The following SULF1 variants were observed in gnomAD, a reference collection of about 807,000 sequenced individuals.
The protein encoded by SULF1 is sulfatase 1.
SULF1 carries 46 observed loss-of-function variants against 110.5 expected under a neutral mutation model. The observed-to-expected ratio is 0.42, with a 90% CI of 0.33 to 0.53. The LOEUF (loss-of-function observed/expected upper bound fraction) is 0.53. Among genes scored for constraint, SULF1 ranks in the 20% least tolerant of loss-of-function variants. The probability of loss-of-function intolerance (pLI) is 0.12; values close to 1 mark genes in which losing one functional copy is unlikely to be tolerated. For synonymous variants in SULF1, 371 were observed against 387.1 expected (o/e 0.96, Z 0.49); for missense variants, 941 against 1,094.2 (o/e 0.86, Z 1.98).
At chr8:69,476,661 G>A (rs969615364) in intron 1 of SULF1, among the ~76,000 whole-genome samples, 7 of 152,176 alleles carry the variant, frequency 4.6e-5, no homozygotes, top group Non-Finnish European at 1.0e-4. Flanking sequence ...TTACCCAACT[G>A]GGTTTTCTGA....
chr8:69,551,742 C>T (rs972745185), intron 3 of SULF1, among the ~76,000 whole-genome samples: 2 of 152,154 alleles, frequency 1.3e-5, no homozygotes, highest in Non-Finnish European at 2.9e-5. Context: ...GTGGGTTGAT[C>T]GCTGTACTCT....
intron 2 of SULF1, among the ~76,000 whole-genome samples, chr8:69,499,566 A>T (rs1378752369): frequency 6.6e-6 from 1 of 152,180 alleles, no homozygotes; most frequent in Non-Finnish European, 1.5e-5. Flanking sequence ...TGGAGCTGAG[A>T]ACTGTGAGGG....
At chr8:69,618,614 T>C (rs775019207) in intron 13 of SULF1, among the ~76,000 whole-genome samples, 3 of 152,214 alleles carry the variant, frequency 2.0e-5, no homozygotes, top group Non-Finnish European at 4.4e-5. Context: ...GAGCTCCTGC[T>C]TCTCTGGATG....
rs543363965 is a variant in SULF1 at position 69,627,181 on chromosome 8, A to T, written c.1851-29A>T. On this transcript the variant is annotated intron_variant, in intron 15 of 22. Coordinates refer to ENST00000402687, the MANE Select transcript of SULF1 (RefSeq NM_001128205.2). ...TTTTCTGCTATTAGAATATAAACCTATTTCACATGGTTTTGGTTTGTTTTG... is the reference window on the plus strand; with the variant it reads ...TTTTCTGCTATTAGAATATAAACCTTTTTCACATGGTTTTGGTTTGTTTTG... 12 of 1,533,982 alleles carry T rather than the reference A, an allele frequency of 7.8e-6. No individual in the cohort carries two copies. In the East Asian group the frequency reaches 2.7e-4, roughly 35 times the overall value.
At chr8:69,553,782 T>A (rs1283927922) in intron 3 of SULF1, among the ~76,000 whole-genome samples, 1 of 152,210 alleles carries the variant, frequency 6.6e-6, no homozygotes, top group Non-Finnish European at 1.5e-5. Flanking sequence ...CAGTCTTTAT[T>A]TTTGTTTTTC....
intron 5 of SULF1, 52 bp downstream of exon 5, chr8:69,564,199 C>A: frequency 6.3e-7 from 1 of 1,595,108 alleles, no homozygotes; most frequent in South Asian, 1.1e-5. Context: ...GATGATTTCT[C>A]GAGTCTCAGG....
intron 13 of SULF1, among the ~76,000 whole-genome samples, chr8:69,617,431 A>G (rs1809264684): frequency 2.5e-5 from 1 of 39,692 alleles, no homozygotes; most frequent in Non-Finnish European, 4.7e-5. Context: ...ATATATATAT[A>G]TATGTTTTTT....
At chr8:69,618,420 T>G (rs1809347464) in intron 13 of SULF1, among the ~76,000 whole-genome samples, 1 of 152,228 alleles carries the variant, frequency 6.6e-6, no homozygotes, top group South Asian at 2.1e-4. Context: ...GCATTTACAT[T>G]GTATTAGATA....
At chr8:69,495,604 T>TA (rs1810292675) in intron 1 of SULF1, among the ~76,000 whole-genome samples, 161 bp from the exon 2 acceptor site, 1 of 152,234 alleles carries the variant, frequency 6.6e-6, no homozygotes, top group Non-Finnish European at 1.5e-5. Flanking sequence ...CAGTCTTGCC[T>TA]GTAGCTATGT....
intron 3 of SULF1, among the ~76,000 whole-genome samples, chr8:69,559,530 A>T (rs546879089): frequency 6.6e-6 from 1 of 152,364 alleles, no homozygotes; most frequent in East Asian, 1.9e-4. Context: ...TGAAAGGTAG[A>T]TTTCTATCAT....
chr8:69,543,884 T>C (rs1347545664), intron 3 of SULF1, among the ~76,000 whole-genome samples: 1 of 152,208 alleles, frequency 6.6e-6, no homozygotes, highest in African/African-American at 2.4e-5. Flanking sequence ...GGCTGGGCAG[T>C]TCTGGGATGG....
At chr8:69,511,647 C>T (rs985231468) in intron 3 of SULF1, among the ~76,000 whole-genome samples, 15 of 152,228 alleles carry the variant, frequency 9.9e-5, no homozygotes, top group African/African-American at 3.6e-4. Context: ...TGCACAGCCC[C>T]TCCATTCTCA....
intron 13 of SULF1, among the ~76,000 whole-genome samples, chr8:69,611,193 A>G (rs1251215665): frequency 6.6e-6 from 1 of 152,240 alleles, no homozygotes; most frequent in Admixed American, 6.5e-5. Context: ...GGTAAATGTT[A>G]TATGAATTAA....
intron 19 of SULF1, among the ~76,000 whole-genome samples, chr8:69,632,057 TAAAC>T (rs1235589995): frequency 2.0e-5 from 3 of 152,168 alleles, no homozygotes; most frequent in Non-Finnish European, 2.9e-5. Context: ...GGTGAATAAA[TAAAC>T]AAACAAGCAA....
intron 3 of SULF1, among the ~76,000 whole-genome samples, chr8:69,511,310 T>G (rs753838195): frequency 1.3e-5 from 2 of 152,208 alleles, no homozygotes; most frequent in Non-Finnish European, 2.9e-5. Context: ...GTTCAGATTT[T>G]TTTCTCCCAT....
intron 6 of SULF1, among the ~76,000 whole-genome samples, chr8:69,583,834 A>G (rs938790179): frequency 2.8e-4 from 42 of 152,336 alleles, no homozygotes; most frequent in Admixed American, 2.0e-3. Context: ...AGATGACATT[A>G]CAACCACAAA....
chr8:69,591,398 C>CAA (rs550550616), intron 8 of SULF1, among the ~76,000 whole-genome samples: 2 of 147,190 alleles, frequency 1.4e-5, no homozygotes, highest in Non-Finnish European at 3.0e-5. Context: ...ACTAAAAATA[C>CAA]AAAAAAAAAA....
intron 3 of SULF1, among the ~76,000 whole-genome samples, chr8:69,553,298 G>A (rs1814861544): frequency 6.6e-6 from 1 of 152,210 alleles, no homozygotes; most frequent in South Asian, 2.1e-4. Context: ...CTGTATGCAA[G>A]AGATCTTGAT....
chr8:69,616,798 C>A (rs1156469181), intron 13 of SULF1, among the ~76,000 whole-genome samples: 1 of 151,470 alleles, frequency 6.6e-6, no homozygotes, highest in Non-Finnish European at 1.5e-5. Flanking sequence ...GACAATCCAG[C>A]CTCCTTGGCC....
Sources: allele counts gnomAD v4.1 joint callset (sites outside exome capture counted in the v4.1 genomes callset), GRCh38; gene constraint gnomAD v4.1.1; transcripts MANE v1.5; gene names NCBI Gene and HGNC (gene_info 2026-07-23, HGNC 2026-07-21).